The following SPOCK3 variants were observed in gnomAD, a reference collection of about 807,000 sequenced individuals.
The protein encoded by SPOCK3 is testican-3.
A neutral mutation model predicts 56.6 loss-of-function variants in SPOCK3; 30 were observed. The ratio of observed to expected loss-of-function variants is 0.53; its 90% CI spans 0.40 to 0.72. The LOEUF (loss-of-function observed/expected upper bound fraction) is 0.72. Among genes scored for constraint, SPOCK3 ranks in the 30% least tolerant of loss-of-function variants. The pLI is 0.00. For missense variants in SPOCK3, 527 were observed against 530.0 expected, an observed-to-expected ratio of 0.99 and a Z score of 0.06; for synonymous variants, 196 against 183.3, an observed-to-expected ratio of 1.07 and a Z score of -0.56.
intron 3 of SPOCK3, among the ~76,000 whole-genome samples, chr4:167,034,741 C>T (rs557251923): frequency 6.6e-6 from 1 of 152,104 alleles, no homozygotes; most frequent in Non-Finnish European, 1.5e-5. Flanking sequence ...GAGGTTAATA[C>T]ATCTACATAT....
At chr4:167,162,450 C>A (rs943653953) in intron 2 of SPOCK3, among the ~76,000 whole-genome samples, 1 of 152,058 alleles carries the variant, frequency 6.6e-6, no homozygotes, top group Non-Finnish European at 1.5e-5. Context: ...TTGACACTAG[C>A]CCCATGTACT....
intron 3 of SPOCK3, among the ~76,000 whole-genome samples, chr4:167,004,719 T>G (rs1749296536): frequency 6.6e-6 from 1 of 152,090 alleles, no homozygotes; most frequent in Non-Finnish European, 1.5e-5. Flanking sequence ...GGTCTAATTA[T>G]TAATATAATA....
chr4:166,849,430 A>T (rs867389279), intron 6 of SPOCK3, among the ~76,000 whole-genome samples: 2 of 152,208 alleles, frequency 1.3e-5, no homozygotes, highest in African/African-American at 4.8e-5. Context: ...AAAGTAATGT[A>T]AGTAACTTGG....
chr4:166,992,868 C>G (rs912081210), intron 4 of SPOCK3, among the ~76,000 whole-genome samples: 1 of 152,064 alleles, frequency 6.6e-6, no homozygotes, highest in Non-Finnish European at 1.5e-5. Context: ...ATTAATGAAG[C>G]CTTAATTGGA....
intron 3 of SPOCK3, among the ~76,000 whole-genome samples, chr4:167,015,636 T>A (rs1025352143): frequency 1.8e-4 from 28 of 152,134 alleles, no homozygotes; most frequent in African/African-American, 6.0e-4. Flanking sequence ...CCAATTAATA[T>A]CGCTGCTTAC....
At chr4:166,764,818 T>C (rs201841361) in intron 7 of SPOCK3, among the ~76,000 whole-genome samples, 45,938 of 145,892 alleles carry the variant, frequency 0.31, 7,341 homozygotes, top group Admixed American at 0.4. Context: ...AGTGTAAATG[T>C]GTTCCTATTT....
intron 5 of SPOCK3, among the ~76,000 whole-genome samples, chr4:166,910,255 G>C (rs1737121257): frequency 6.6e-6 from 1 of 152,052 alleles, no homozygotes; most frequent in African/African-American, 2.4e-5. Context: ...GGTTATTAAA[G>C]ACCCATATTC....
chr4:166,865,183 CAT>C (rs1295577349), intron 6 of SPOCK3, among the ~76,000 whole-genome samples: 2 of 152,160 alleles, frequency 1.3e-5, no homozygotes, highest in Non-Finnish European at 2.9e-5. Context: ...ACAAAAACCA[CAT>C]GATTATCTCA....
intron 2 of SPOCK3, among the ~76,000 whole-genome samples, chr4:167,123,761 T>TA (rs1316733397): frequency 2.1e-5 from 3 of 142,668 alleles, no homozygotes; most frequent in Non-Finnish European, 3.1e-5. Context: ...TTTTTTTTTT[T>TA]AAGACTGAGT....
At chr4:166,890,960 A>G (rs1327685994) in intron 5 of SPOCK3, among the ~76,000 whole-genome samples, 1 of 152,010 alleles carries the variant, frequency 6.6e-6, no homozygotes, top group East Asian at 1.9e-4. Flanking sequence ...TCATATATTT[A>G]GGATAGTAGC....
At chr4:167,017,277 G>A (rs771852561) in intron 3 of SPOCK3, among the ~76,000 whole-genome samples, 8 of 152,036 alleles carry the variant, frequency 5.3e-5, no homozygotes, top group South Asian at 4.1e-4. Flanking sequence ...ACACAAAACC[G>A]TCCTGGGACA....
At chr4:166,836,272 C>A (rs1212421417) in intron 6 of SPOCK3, among the ~76,000 whole-genome samples, 5 of 152,196 alleles carry the variant, frequency 3.3e-5, no homozygotes, top group Admixed American at 3.3e-4. Context: ...CAAAACAGTG[C>A]AAGAATAATA....
At chr4:166,805,961 G>A (rs981743770) in intron 6 of SPOCK3, among the ~76,000 whole-genome samples, 1 of 152,064 alleles carries the variant, frequency 6.6e-6, no homozygotes, top group Non-Finnish European at 1.5e-5. Context: ...AAGTGTAGTT[G>A]CTGTTTGCGG....
chr4:166,858,292 T>C (rs1730893780), intron 6 of SPOCK3, among the ~76,000 whole-genome samples: 1 of 152,194 alleles, frequency 6.6e-6, no homozygotes, highest in African/African-American at 2.4e-5. Flanking sequence ...CTTATTGCTG[T>C]GAATTTCATA....
intron 4 of SPOCK3, among the ~76,000 whole-genome samples, chr4:166,921,861 T>C (rs1738525617): frequency 6.6e-6 from 1 of 152,194 alleles, no homozygotes; most frequent in South Asian, 2.1e-4. Context: ...TAAATTATCA[T>C]CTTCTAACCT....
intron 2 of SPOCK3, among the ~76,000 whole-genome samples, chr4:167,196,846 G>A (rs1403679903): frequency 6.6e-6 from 1 of 152,030 alleles, no homozygotes; most frequent in Non-Finnish European, 1.5e-5. Flanking sequence ...CTTTCTCAAG[G>A]CCAGCAGGAC....
At chr4:167,221,311 T>C (rs549215016) in intron 2 of SPOCK3, among the ~76,000 whole-genome samples, 1 of 152,114 alleles carries the variant, frequency 6.6e-6, no homozygotes, top group East Asian at 1.9e-4. Context: ...CCCGCTGCAG[T>C]GAGCTATGAT....
At chr4:166,892,636 C>T (rs1458166233) in intron 5 of SPOCK3, among the ~76,000 whole-genome samples, 2 of 151,920 alleles carry the variant, frequency 1.3e-5, no homozygotes, top group African/African-American at 4.8e-5. Flanking sequence ...TAAAATATCA[C>T]ATAAAGGGCA....
intron 6 of SPOCK3, among the ~76,000 whole-genome samples, chr4:166,843,173 C>T (rs1039781715): frequency 6.6e-6 from 1 of 152,168 alleles, no homozygotes; most frequent in Non-Finnish European, 1.5e-5. Flanking sequence ...TCCTCTCCCT[C>T]CACACCCCCC....
Sources: gnomAD v4.1 joint callset for allele counts (sites outside exome capture counted in the v4.1 genomes callset) on GRCh38, gnomAD v4.1.1 for gene constraint, MANE v1.5 for transcripts, NCBI Gene and HGNC (gene_info 2026-07-23, HGNC 2026-07-21) for gene names.